Variants in WDR49 observed in about 807,000 individuals in gnomAD.
WDR49 encodes the protein WD repeat domain 49.
A neutral mutation model predicts 119.5 loss-of-function variants in WDR49; 107 were observed. The ratio of observed to expected loss-of-function variants is 0.90; its 90% confidence interval spans 0.77 to 1.05. The LOEUF is 1.05. WDR49 is among the 50% of genes least tolerant of loss of function. WDR49 has a pLI of 0.00. For missense variants in WDR49, 1,240 were observed against 1,220.5 expected, an observed-to-expected ratio of 1.02 and a Z score of -0.24; for synonymous variants, 425 against 418.8, an observed-to-expected ratio of 1.01 and a Z score of -0.18.
intron 8 of WDR49, among the ~76,000 whole-genome samples, chr3:167,572,417 A>G (rs916002716): frequency 3.9e-5 from 6 of 152,236 alleles, no homozygotes; most frequent in African/African-American, 7.2e-5. Flanking sequence ...GAAATAATAA[A>G]GTGTAGGCAA....
chr3:167,628,893 T>C (rs534632843), intron 2 of WDR49, among the ~76,000 whole-genome samples: 1 of 152,250 alleles, frequency 6.6e-6, no homozygotes, highest in African/African-American at 2.4e-5. Context: ...TAGGGGCTGA[T>C]GTAACTGGTG....
Position 167,531,243 on chromosome 3 carries a change from C to G in WDR49, c.2090G>C (p.Ser697Thr). The G allele has an allele frequency of 6.2e-7, 1 of 1,611,408 alleles. No individual in the cohort carries two copies. Among genetic ancestry groups the G allele is most frequent in the South Asian group, 1.1e-5 (1 of 90,968 alleles). The stretch of plus-strand genomic sequence containing the variant: ...GTCTGCCATGGGGTGGGAGGGTTGG[C>G]TTCTCCCAGCACTGAGAAGTTTTTG... The part of the protein sequence containing the change: ...KPQKLLSAGR[S>T]QPSHPMADHS... Residue 697 changes from serine to threonine, a missense_variant, in exon 13 of 19, where the codon AGC becomes ACC. Physicochemically the swap from Ser to Thr is moderately conservative, Grantham distance 58. Transcript: ENST00000682715.
chr3:167,626,800 A>G (rs1038515783), intron 3 of WDR49, 52 bp downstream of exon 3: 8 of 1,219,586 alleles, frequency 6.6e-6, no homozygotes, highest in Admixed American at 4.2e-5. Flanking sequence ...GCCCTGCCCC[A>G]TAAGTTTTCC....
At chr3:167,522,052 T>G (rs993408591) in intron 16 of WDR49, among the ~76,000 whole-genome samples, 2 of 152,044 alleles carry the variant, frequency 1.3e-5, no homozygotes, top group Non-Finnish European at 2.9e-5. Context: ...TTTTCACAAT[T>G]AGATTGATGA....
At chr3:167,557,405 A>G (rs908397738) in intron 9 of WDR49, among the ~76,000 whole-genome samples, 3 of 152,182 alleles carry the variant, frequency 2.0e-5, no homozygotes, top group African/African-American at 7.2e-5. Flanking sequence ...ATTTGAATCA[A>G]TGCAATTGCT....
intron 18 of WDR49, among the ~76,000 whole-genome samples, chr3:167,491,604 A>G (rs1751135205): frequency 6.6e-6 from 1 of 152,178 alleles, no homozygotes; most frequent in Non-Finnish European, 1.5e-5. Context: ...TCACAGAGCA[A>G]CAGCTACAAC....
chr3:167,609,404 G>C (rs7652794), intron 5 of WDR49, among the ~76,000 whole-genome samples: 3,458 of 152,204 alleles, frequency 0.023, 118 homozygotes, highest in African/African-American at 0.075. Context: ...AGAGAGAGCA[G>C]AGCAATTATG....
At chr3:167,582,602 G>T (rs1009292271) in intron 7 of WDR49, among the ~76,000 whole-genome samples, 1 of 151,986 alleles carries the variant, frequency 6.6e-6, no homozygotes, top group Non-Finnish European at 1.5e-5. Flanking sequence ...GACCTTAAAA[G>T]AGGCAAAACA....
At chr3:167,481,406 G>GA (rs1326368428) in intron 18 of WDR49, among the ~76,000 whole-genome samples, 8 of 151,624 alleles carry the variant, frequency 5.3e-5, no homozygotes, top group African/African-American at 1.2e-4. Context: ...GAAAAAGAGG[G>GA]AAAAAATCAC....
At chr3:167,510,495 G>A (rs1414417810) in intron 16 of WDR49, among the ~76,000 whole-genome samples, 2 of 151,874 alleles carry the variant, frequency 1.3e-5, no homozygotes, top group Non-Finnish European at 2.9e-5. Context: ...CAGACTCTAG[G>A]AAAAGGATAA....
At chr3:167,636,324 G>A (rs545529496) in intron 2 of WDR49, among the ~76,000 whole-genome samples, 122 of 144,506 alleles carry the variant, frequency 8.4e-4, no homozygotes, top group Middle Eastern at 3.5e-3. Context: ...GTAGTATTCT[G>A]TTGTATATAT....
At chr3:167,516,777 G>T (rs1007627153) in intron 16 of WDR49, among the ~76,000 whole-genome samples, 1 of 152,076 alleles carries the variant, frequency 6.6e-6, no homozygotes, top group African/African-American at 2.4e-5. Flanking sequence ...GAGTGAACAG[G>T]CAACCTACAG....
chr3:167,615,316 T>C (rs1716541708), intron 5 of WDR49, among the ~76,000 whole-genome samples: 1 of 152,062 alleles, frequency 6.6e-6, no homozygotes, highest in South Asian at 2.1e-4. Context: ...TTGTGTTTTT[T>C]ATAGAGACAG....
intron 18 of WDR49, among the ~76,000 whole-genome samples, chr3:167,493,064 TA>T (rs1751213823): frequency 6.6e-6 from 1 of 152,168 alleles, no homozygotes; most frequent in Admixed American, 6.6e-5. Flanking sequence ...GCTCTGTCAC[TA>T]AAGAGTAATG....
In WDR49 at chr3:167,604,362, T is replaced by A; in HGVS notation, c.1065A>T (p.Thr355=). 6.2e-7 allele frequency: 1 copy of A among 1,613,838 alleles called. No homozygotes were observed. The highest frequency in any genetic ancestry group is 8.5e-7 in the Non-Finnish European group (1 of 1,179,882). Residue 355 remains threonine (T), a synonymous_variant, in exon 6 of 19, where the codon ACA becomes ACT. Transcript: ENST00000682715. ...REKSKKRLNM[T]SFNIAQGIHA... is the part of the protein sequence containing the mutation. ...GAATGCCCTGGGCAATGTTGAAGGA[T>A]GTCATATTAAGACGCTTTTTTGATT...
intron 7 of WDR49, among the ~76,000 whole-genome samples, chr3:167,584,103 AAG>A (rs1461052140): frequency 6.6e-6 from 1 of 152,162 alleles, no homozygotes; most frequent in Non-Finnish European, 1.5e-5. Flanking sequence ...CCAAAATTAC[AAG>A]AGAGTTCAAG....
At chr3:167,539,177 C>T (rs181969481) in intron 10 of WDR49, among the ~76,000 whole-genome samples, 50 of 152,140 alleles carry the variant, frequency 3.3e-4, no homozygotes, top group Admixed American at 3.9e-4. Context: ...TGCAAGAGAA[C>T]GCAAAGTTTG....
rs774284836 is a variant in WDR49 at position 167,522,446 on chromosome 3, A to C, written c.2643T>G (p.Pro881=). Residue 881 remains proline, a synonymous_variant, in exon 16 of 19, where the codon CCT becomes CCG. Transcript: ENST00000682715. ...HWHIENCLFL[P]KRDTNLVESE... ...TTTCCACTAAATTAGTATCTCTTTT[A>C]GGAAGGAAAAGGCAGTTTTCAATAT... The C allele has an allele frequency of 6.2e-7, 1 of 1,605,638 alleles. No homozygotes were observed. The highest frequency in any genetic ancestry group is 8.5e-7 in the Non-Finnish European group (1 of 1,178,138).
intron 16 of WDR49, among the ~76,000 whole-genome samples, chr3:167,517,888 C>T (rs952773232): frequency 6.6e-6 from 1 of 152,082 alleles, no homozygotes; most frequent in South Asian, 2.1e-4. Flanking sequence ...TCCACCCTCC[C>T]CCAACCCCAC....
Sources: allele counts gnomAD v4.1 joint callset (sites outside exome capture counted in the v4.1 genomes callset), GRCh38; gene constraint gnomAD v4.1.1; transcripts MANE v1.5; gene names NCBI Gene and HGNC (gene_info 2026-07-23, HGNC 2026-07-21).